WWOX: variants seen among roughly 807,000 people sequenced by gnomAD.
WWOX encodes the protein WW domain-containing oxidoreductase.
A neutral mutation model predicts 46.2 loss-of-function variants in WWOX; 69 were observed. The observed-to-expected ratio is 1.49, with a 90% CI of 1.23 to 1.82. WWOX has a LOEUF of 1.82. WWOX is among the 40% of genes most tolerant of loss of function. WWOX has a pLI of 0.00. For missense variants in WWOX, 919 were observed against 542.6 expected, an observed-to-expected ratio of 1.69 and a Z score of -6.89; for synonymous variants, 359 against 202.6, an observed-to-expected ratio of 1.77 and a Z score of -6.56.
intron 8 of WWOX, among the ~76,000 whole-genome samples, chr16:78,838,322 C>T (rs929262751): frequency 1.3e-5 from 2 of 152,146 alleles, no homozygotes; most frequent in Admixed American, 6.5e-5. Context: ...AACCAGGAAC[C>T]AGAAGAGCTG....
At chr16:79,102,052 G>A (rs1208198961) in intron 8 of WWOX, among the ~76,000 whole-genome samples, 1 of 126,820 alleles carries the variant, frequency 7.9e-6, no homozygotes, top group Non-Finnish European at 1.7e-5. Flanking sequence ...GGGGCAGGGA[G>A]TAGGGGGGAG....
chr16:78,647,946 A>T (rs1189870221), intron 8 of WWOX, among the ~76,000 whole-genome samples: 1 of 152,202 alleles, frequency 6.6e-6, no homozygotes, highest in African/African-American at 2.4e-5. Flanking sequence ...TTTGCCAAAA[A>T]TTTCATATGA....
At chr16:79,028,412 C>T (rs1170831816) in intron 8 of WWOX, among the ~76,000 whole-genome samples, 1 of 151,794 alleles carries the variant, frequency 6.6e-6, no homozygotes, top group African/African-American at 2.4e-5. Flanking sequence ...AAACATGAGG[C>T]AGTGTACAGC....
chr16:78,680,494 G>T (rs185388703), intron 8 of WWOX, among the ~76,000 whole-genome samples: 27 of 152,186 alleles, frequency 1.8e-4, no homozygotes, highest in East Asian at 5.8e-4. Flanking sequence ...ACTTCACTGC[G>T]GCCTGAGCTA....
intron 6 of WWOX, among the ~76,000 whole-genome samples, chr16:78,402,581 C>T (rs1289659388): frequency 1.3e-5 from 2 of 152,122 alleles, no homozygotes; most frequent in African/African-American, 4.8e-5. Context: ...TTCTGAGCCC[C>T]TCTTGAAGGA....
intron 8 of WWOX, among the ~76,000 whole-genome samples, chr16:79,041,203 A>G (rs905576599): frequency 2.0e-4 from 30 of 152,132 alleles, no homozygotes; most frequent in African/African-American, 7.0e-4. Flanking sequence ...ATAAAAACGA[A>G]TGCAAAAGAG....
At chr16:78,117,274 GT>G in intron 4 of WWOX, among the ~76,000 whole-genome samples, 1 of 152,186 alleles carries the variant, frequency 6.6e-6, no homozygotes, top group Non-Finnish European at 1.5e-5. Context: ...TGGCACAGAT[GT>G]CGCACAAGGT....
chr16:79,211,396 A>T (rs1209029827), intron 8 of WWOX, among the ~76,000 whole-genome samples: 1 of 152,190 alleles, frequency 6.6e-6, no homozygotes, highest in East Asian at 1.9e-4. Context: ...CACCAGCTTT[A>T]CAAGCGGAGT....
At position 78,901,238 on chromosome 16, in the gene WWOX, A is replaced by G. The variant is rs527245409; in HGVS notation, c.1057-310370A>G. Among the ~76,000 whole-genome samples, 7 of 152,358 alleles carry G rather than the reference A, an allele frequency of 4.6e-5. No individual in the cohort carries two copies. In the South Asian group the frequency reaches 1.4e-3, roughly 32 times the overall value. Reference sequence around the variant, plus strand: ...TGAAGACATAGACTTTGAAAGCAATAGTCTGGCAATCATCCAAAGGTTTGT... The same window carrying G: ...TGAAGACATAGACTTTGAAAGCAATGGTCTGGCAATCATCCAAAGGTTTGT... On this transcript the variant is annotated intron_variant, in intron 8 of 8. Coordinates refer to ENST00000566780, the MANE Select transcript of WWOX (RefSeq NM_016373.4).
intron 8 of WWOX, among the ~76,000 whole-genome samples, chr16:78,625,819 T>A (rs539955651): frequency 4.5e-4 from 66 of 147,740 alleles, no homozygotes; most frequent in African/African-American, 1.6e-3. Context: ...CAAAAGTAAT[T>A]GGCAAATGGC....
intron 8 of WWOX, among the ~76,000 whole-genome samples, chr16:78,728,574 G>C (rs867903925): frequency 3.9e-5 from 6 of 152,162 alleles, no homozygotes; most frequent in Admixed American, 6.5e-5. Context: ...ATACAAGTAA[G>C]TAGTCAAGTG....
At chr16:78,702,387 C>T (rs919573201) in intron 8 of WWOX, among the ~76,000 whole-genome samples, 9 of 151,878 alleles carry the variant, frequency 5.9e-5, no homozygotes, top group African/African-American at 1.5e-4. Context: ...TGGTAGCTCA[C>T]GCCTGTAATT....
intron 8 of WWOX, among the ~76,000 whole-genome samples, chr16:78,436,843 C>T (rs2083345872): frequency 6.6e-6 from 1 of 152,196 alleles, no homozygotes; most frequent in Non-Finnish European, 1.5e-5. Context: ...GCATTGCTTC[C>T]GTCAGGATAA....
intron 8 of WWOX, among the ~76,000 whole-genome samples, chr16:78,763,757 C>T (rs974599387): frequency 6.6e-6 from 1 of 152,096 alleles, no homozygotes; most frequent in African/African-American, 2.4e-5. Flanking sequence ...TTCTTTTCAC[C>T]CATCTCATGT....
chr16:78,796,022 A>ACCT (rs2050727018), intron 8 of WWOX, among the ~76,000 whole-genome samples: 2 of 152,176 alleles, frequency 1.3e-5, no homozygotes, highest in Non-Finnish European at 2.9e-5. Context: ...CCCACTAAGG[A>ACCT]AGTTTGTGGC....
At chr16:78,902,017 A>C (rs1409388113) in intron 8 of WWOX, among the ~76,000 whole-genome samples, 2 of 152,238 alleles carry the variant, frequency 1.3e-5, no homozygotes, top group African/African-American at 4.8e-5. Flanking sequence ...AGGGGATGAA[A>C]TAGTGACCAA....
intron 6 of WWOX, among the ~76,000 whole-genome samples, chr16:78,411,640 G>A (rs898080543): frequency 3.3e-5 from 5 of 152,074 alleles, no homozygotes; most frequent in African/African-American, 1.2e-4. Flanking sequence ...TTTGAGAATG[G>A]GTAGGTAAGA....
At chr16:78,689,573 C>A (rs943335608) in intron 8 of WWOX, among the ~76,000 whole-genome samples, 1 of 152,162 alleles carries the variant, frequency 6.6e-6, no homozygotes, top group African/African-American at 2.4e-5. Flanking sequence ...ATCCCTTCAC[C>A]CTTCATGTCT....
At position 78,344,418 on chromosome 16, in the gene WWOX, T is replaced by G. The variant is rs968327942; in HGVS notation, c.517-42442T>G. Among the ~76,000 whole-genome samples, 4 of 121,728 alleles carry G rather than the reference T, an allele frequency of 3.3e-5. 1 individual carries two copies. In the South Asian group the frequency reaches 7.3e-4, roughly 22 times the overall value. The allele number at this position is 121,728 out of a possible 152,430, so 79.9% of individuals were successfully genotyped here. On this transcript the variant is annotated intron_variant, in intron 5 of 8. Coordinates refer to ENST00000566780, the MANE Select transcript of WWOX (RefSeq NM_016373.4). ...TCCCAATGTCCATTTTCAAATGATT[T>G]CCAGCAAGGAAGATGGAATTACCAC...
Sources: gnomAD v4.1 joint callset for allele counts (sites outside exome capture counted in the v4.1 genomes callset) on GRCh38, gnomAD v4.1.1 for gene constraint, MANE v1.5 for transcripts, NCBI Gene and HGNC (gene_info 2026-07-23, HGNC 2026-07-21) for gene names.